The following MUSK variants were observed in gnomAD, a reference collection of about 807,000 sequenced individuals.
The protein encoded by MUSK is muscle, skeletal receptor tyrosine-protein kinase.
A neutral mutation model predicts 88.7 loss-of-function variants in MUSK; 55 were observed. The observed-to-expected ratio is 0.62, with a 90% CI of 0.50 to 0.78. MUSK has a LOEUF of 0.78. MUSK is among the 30% of genes least tolerant of loss of function. The pLI is 0.00. For missense variants in MUSK, 1,015 were observed against 1,074.3 expected (o/e 0.94, Z 0.77); for synonymous variants, 387 against 391.9 (o/e 0.99, Z 0.15).
intron 6 of MUSK, among the ~76,000 whole-genome samples, chr9:110,743,217 C>A (rs971504505): frequency 6.6e-6 from 1 of 152,184 alleles, no homozygotes; most frequent in South Asian, 2.1e-4. Context: ...TGAACCAAAA[C>A]CCTTAACAGT....
chr9:110,724,428 G>A (rs2076856939), intron 5 of MUSK, among the ~76,000 whole-genome samples: 1 of 151,908 alleles, frequency 6.6e-6, no homozygotes, highest in African/African-American at 2.4e-5. Flanking sequence ...AGATATTTCA[G>A]GGAGCAATTT....
chr9:110,718,694 G>A lies in MUSK; in HGVS notation c.629-15557G>A, dbSNP rs185288353. Among the ~76,000 whole-genome samples the A allele has an allele frequency of 2.6e-4, 39 of 152,122 alleles. 1 individual carries two copies. Among genetic ancestry groups the A allele is most frequent in the African/African-American group, 8.4e-4 (35 of 41,536 alleles). On this transcript the variant is annotated intron_variant, in intron 5 of 14. Coordinates refer to ENST00000374448, the MANE Select transcript of MUSK (RefSeq NM_005592.4). The stretch of plus-strand genomic sequence containing the variant: ...AATCAAGGAAAACTTCCCTGGCCTC[G>A]CTAGAGATCTAGACATCCGAATACA...
intron 8 of MUSK, among the ~76,000 whole-genome samples, chr9:110,764,047 A>G (rs1940251): frequency 0.7 from 106,957 of 152,036 alleles, 38,790 homozygotes; most frequent in Non-Finnish European, 0.8. Flanking sequence ...CTTTTCTGAA[A>G]GAGAAGTCAA....
At chr9:110,717,576 T>A (rs1409668697) in intron 5 of MUSK, among the ~76,000 whole-genome samples, 2 of 150,182 alleles carry the variant, frequency 1.3e-5, no homozygotes, top group Non-Finnish European at 2.9e-5. Context: ...TTCATGTGCC[T>A]TTTTTCTTCT....
At chr9:110,777,508 AACCTTAAAAATCT>A (rs1284817396) in intron 11 of MUSK, among the ~76,000 whole-genome samples, 3 of 152,134 alleles carry the variant, frequency 2.0e-5, no homozygotes, top group Non-Finnish European at 4.4e-5. Flanking sequence ...GAGTTATGGA[AACCTTAAAAATCT>A]ATTATTCTGG....
intron 3 of MUSK, among the ~76,000 whole-genome samples, chr9:110,694,373 G>A (rs1354085296): frequency 4.0e-5 from 5 of 124,922 alleles, no homozygotes; most frequent in Admixed American, 9.8e-5. Flanking sequence ...GCGACAGAGC[G>A]AGACTCCGTC....
chr9:110,726,248 A>C (rs2076882662), intron 5 of MUSK, among the ~76,000 whole-genome samples: 1 of 152,060 alleles, frequency 6.6e-6, no homozygotes, highest in Non-Finnish European at 1.5e-5. Flanking sequence ...AATCTTAGAC[A>C]TTCTTTCATG....
At chr9:110,773,118 A>G (rs2077606682) in intron 9 of MUSK, among the ~76,000 whole-genome samples, 1 of 152,026 alleles carries the variant, frequency 6.6e-6, no homozygotes, top group Non-Finnish European at 1.5e-5. Context: ...ATATTTATTG[A>G]TCTCCTTCTG....
intron 14 of MUSK, among the ~76,000 whole-genome samples, chr9:110,790,668 T>A (rs1056476504): frequency 6.6e-6 from 1 of 152,160 alleles, no homozygotes; most frequent in Non-Finnish European, 1.5e-5. Flanking sequence ...AGATCTCATC[T>A]GAGGGTGAGG....
intron 13 of MUSK, among the ~76,000 whole-genome samples, chr9:110,787,063 A>AT (rs371278100): frequency 6.6e-6 from 1 of 152,276 alleles, no homozygotes; most frequent in African/African-American, 2.4e-5. Flanking sequence ...CTGGACAAAG[A>AT]TTAAAAGGTT....
chr9:110,789,470 G>A (rs569895886), intron 14 of MUSK, among the ~76,000 whole-genome samples: 1 of 152,280 alleles, frequency 6.6e-6, no homozygotes, highest in Admixed American at 6.5e-5. Flanking sequence ...TGGAGAGAGT[G>A]GGAATTCATT....
intron 1 of MUSK, among the ~76,000 whole-genome samples, chr9:110,679,245 G>C (rs2076074726): frequency 6.6e-6 from 1 of 151,536 alleles, no homozygotes; most frequent in African/African-American, 2.4e-5. Flanking sequence ...TTTACTTTTG[G>C]GTTTGAGTCC....
intron 13 of MUSK, 35 bp from the exon 14 acceptor site, chr9:110,787,655 T>A: frequency 1.2e-6 from 2 of 1,604,922 alleles, no homozygotes; most frequent in Non-Finnish European, 1.7e-6. Flanking sequence ...ATGTCCATGA[T>A]CTTTGGTTTC....
intron 3 of MUSK, among the ~76,000 whole-genome samples, chr9:110,689,184 AATATATC>A (rs1414852552): frequency 1.8e-4 from 10 of 55,520 alleles, no homozygotes; most frequent in Admixed American, 1.4e-3. Flanking sequence ...TATTTATATA[AATATATC>A]ATATATATAT....
intron 14 of MUSK, among the ~76,000 whole-genome samples, chr9:110,799,201 G>C (rs1183915547): frequency 6.6e-6 from 1 of 152,076 alleles, no homozygotes; most frequent in Non-Finnish European, 1.5e-5. Context: ...CAAGATAGCA[G>C]TATTCCTCAT....
At chr9:110,695,357 T>C (rs1264041152) in intron 3 of MUSK, 46 bp from the exon 4 acceptor site, 3 of 1,303,292 alleles carry the variant, frequency 2.3e-6, no homozygotes, top group South Asian at 1.6e-5. Flanking sequence ...CTAGGTTTAA[T>C]AAAGCCATAT....
At chr9:110,694,704 C>G (rs2076409689) in intron 3 of MUSK, among the ~76,000 whole-genome samples, 1 of 152,062 alleles carries the variant, frequency 6.6e-6, no homozygotes, top group African/African-American at 2.4e-5. Context: ...TAACTGGCAT[C>G]CTGAACTTAT....
chr9:110,800,196 A>G, intron 14 of MUSK, 110 bp from the exon 15 acceptor site: 1 of 994,886 alleles, frequency 1.0e-6, no homozygotes. Context: ...GACAACAACA[A>G]CAAAAAACAG....
At chr9:110,709,353 A>C (rs2131764950) in intron 5 of MUSK, among the ~76,000 whole-genome samples, 1 of 152,314 alleles carries the variant, frequency 6.6e-6, no homozygotes, top group African/African-American at 2.4e-5. Flanking sequence ...ATCTCAAGAA[A>C]ACTGCATGGG....
Sources: gnomAD v4.1 joint callset for allele counts (sites outside exome capture counted in the v4.1 genomes callset) on GRCh38, gnomAD v4.1.1 for gene constraint, MANE v1.5 for transcripts, NCBI Gene and HGNC (gene_info 2026-07-23, HGNC 2026-07-21) for gene names.